Variants in ELF2 observed in about 807,000 individuals in gnomAD.
ELF2 encodes the protein E74 like ETS transcription factor 2, also known as ETS-related transcription factor Elf-2.
ELF2 carries 11 observed loss-of-function variants against 54.8 expected under a neutral mutation model. That is an observed-to-expected ratio of 0.20 (90% confidence interval 0.13 to 0.33). The LOEUF (loss-of-function observed/expected upper bound fraction) is 0.33, where lower values mean the gene tolerates loss of function less well. Among genes scored for constraint, ELF2 ranks in the 10% least tolerant of loss-of-function variants. The probability of loss-of-function intolerance (pLI) is 1.00; values close to 1 mark genes in which losing one functional copy is unlikely to be tolerated. For missense variants in ELF2, 513 were observed against 703.0 expected (o/e 0.73, Z 3.06); for synonymous variants, 203 against 245.1 (o/e 0.83, Z 1.61).
At chr4:139,097,665 GTTAT>G (rs1733428979) in intron 4 of ELF2, among the ~76,000 whole-genome samples, 1 of 149,764 alleles carries the variant, frequency 6.7e-6, no homozygotes, top group African/African-American at 2.4e-5. Context: ...TGCTTTCAAT[GTTAT>G]TTAGCTATAA....
At chr4:139,101,495 T>A (rs1360502151) in intron 4 of ELF2, 1 of 152,266 alleles carries the variant, frequency 6.6e-6, no homozygotes, top group Admixed American at 6.5e-5. Context: ...CAGTCTCTCA[T>A]TAGCCCTTCC....
At chr4:139,092,409 TAACATACATA>T (rs1466988888) in intron 4 of ELF2, among the ~76,000 whole-genome samples, 4 of 82,674 alleles carry the variant, frequency 4.8e-5, no homozygotes, top group Admixed American at 4.4e-4. Flanking sequence ...TAACATAACA[TAACATACATA>T]ACATAACATA....
In ELF2 at chr4:139,125,274, G is replaced by T; in HGVS notation, c.128C>A (p.Ala43Asp). 1.2e-6 allele frequency: 2 copies of T among 1,613,730 alleles called. No homozygotes were observed. The highest frequency in any genetic ancestry group is 8.5e-7 in the Non-Finnish European group (1 of 1,179,914). ...GGCTGCATAGCCCTGCTCTAATCTG[G>T]CACTTGGAACTGGCTCCACAATCAC... ...PAVIVEPVPS[A>D]RLEQGYAAQV... The change falls in exon 4 of 10, where the codon GCC (alanine) becomes GAC (aspartate). Residue 43 changes from alanine to aspartate, a missense_variant. Physicochemically the swap from Ala to Asp is moderately radical, Grantham distance 126. Around this residue, in one of 3 missense-constraint regions of ELF2, gnomAD observed 203 missense variants for 245.9 expected, o/e 0.83. Coordinates refer to ENST00000686138, the MANE Select transcript of ELF2 (RefSeq NM_001331036.3).
chr4:139,174,206 T>TAA (rs1222397912), intron 1 of ELF2, among the ~76,000 whole-genome samples: 100 of 93,976 alleles, frequency 1.1e-3, no homozygotes, highest in African/African-American at 3.0e-3. Context: ...GACTCCATCT[T>TAA]AAAAAAAAAA....
intron 1 of ELF2, among the ~76,000 whole-genome samples, chr4:139,163,976 G>A (rs1044760359): frequency 6.8e-6 from 1 of 147,424 alleles, no homozygotes; most frequent in Non-Finnish European, 1.5e-5. Context: ...AGAAAGGAAA[G>A]GAAAGGAAAG....
intron 4 of ELF2, chr4:139,102,165 G>C (rs1479010227): frequency 6.6e-6 from 1 of 151,790 alleles, no homozygotes; most frequent in African/African-American, 2.4e-5. Flanking sequence ...TTACACATCA[G>C]AAAAAAGGTC....
chr4:139,061,111 C>T (rs1007196479), intron 8 of ELF2, among the ~76,000 whole-genome samples: 3 of 151,936 alleles, frequency 2.0e-5, no homozygotes, highest in Admixed American at 2.0e-4. Context: ...CACTTAAAAA[C>T]ACCCTTAATT....
intron 4 of ELF2, among the ~76,000 whole-genome samples, chr4:139,089,660 T>C (rs1474567489): frequency 6.6e-6 from 1 of 152,248 alleles, no homozygotes; most frequent in African/African-American, 2.4e-5. Context: ...TCATTCAAGA[T>C]TTACATTCTA....
chr4:139,149,960 C>T (rs1250204871), intron 1 of ELF2, among the ~76,000 whole-genome samples: 1 of 152,106 alleles, frequency 6.6e-6, no homozygotes, highest in Non-Finnish European at 1.5e-5. Context: ...TTACGAAGGC[C>T]GAGGTGGGTG....
At chr4:139,144,057 C>CT (rs1208258400) in intron 1 of ELF2, among the ~76,000 whole-genome samples, 1 of 151,830 alleles carries the variant, frequency 6.6e-6, no homozygotes, top group Non-Finnish European at 1.5e-5. Flanking sequence ...AAACTGTGAA[C>CT]TTTTTTCAAA....
chr4:139,162,077 G>C (rs1206085094), intron 1 of ELF2, among the ~76,000 whole-genome samples: 1 of 152,074 alleles, frequency 6.6e-6, no homozygotes, highest in African/African-American at 2.4e-5. Context: ...TGGGGCGACA[G>C]AGCGAGACTC....
At chr4:139,096,034 C>T (rs1273865930) in intron 4 of ELF2, among the ~76,000 whole-genome samples, 1 of 152,068 alleles carries the variant, frequency 6.6e-6, no homozygotes, top group African/African-American at 2.4e-5. Flanking sequence ...TCGCTTAAAC[C>T]CGGGAGGTGG....
At chr4:139,077,490 C>A (rs1730469591) in intron 4 of ELF2, among the ~76,000 whole-genome samples, 1 of 152,114 alleles carries the variant, frequency 6.6e-6, no homozygotes, top group South Asian at 2.1e-4. Flanking sequence ...ATACAAAAAT[C>A]TAAGAGGCTG....
At chr4:139,146,279 G>A (rs1739216722) in intron 1 of ELF2, among the ~76,000 whole-genome samples, 1 of 152,104 alleles carries the variant, frequency 6.6e-6, no homozygotes, top group Non-Finnish European at 1.5e-5. Context: ...TATAACAGCT[G>A]CAAAAATATA....
chr4:139,084,251 G>A (rs1321782212), intron 4 of ELF2: 3 of 1,608,592 alleles, frequency 1.9e-6, no homozygotes, highest in South Asian at 2.2e-5. Flanking sequence ...AGCGGCGGCA[G>A]GGGAGGAGGC....
chr4:139,107,461 T>C (rs1372822818), intron 4 of ELF2, among the ~76,000 whole-genome samples: 1 of 152,216 alleles, frequency 6.6e-6, no homozygotes, highest in Admixed American at 6.5e-5. Flanking sequence ...TCACACATTA[T>C]ATATATGTAT....
intron 3 of ELF2, among the ~76,000 whole-genome samples, chr4:139,126,226 T>C (rs530598804): frequency 1.3e-5 from 2 of 151,346 alleles, no homozygotes; most frequent in African/African-American, 4.8e-5. Context: ...ATTGAGGCAA[T>C]CTCCAGGAAC....
At chr4:139,063,127 G>A (rs1324428286) in intron 7 of ELF2, among the ~76,000 whole-genome samples, 3 of 152,038 alleles carry the variant, frequency 2.0e-5, no homozygotes, top group Non-Finnish European at 2.9e-5. Flanking sequence ...GCATGGTGGC[G>A]TGCACCTGTA....
chr4:139,073,838 A>C (rs1183530704), intron 4 of ELF2: 1 of 175,342 alleles, frequency 5.7e-6, no homozygotes, highest in Admixed American at 6.3e-5. Context: ...ATTAGAAATT[A>C]CTGAGAAGTT....
Sources: gnomAD v4.1 joint callset for allele counts (sites outside exome capture counted in the v4.1 genomes callset) on GRCh38, gnomAD v4.1.1 for gene constraint, gnomAD v4.1.1 regional missense constraint, MANE v1.5 for transcripts, NCBI Gene and HGNC (gene_info 2026-07-23, HGNC 2026-07-21) for gene names.